The following GAS2 variants were observed in gnomAD, a reference collection of about 807,000 sequenced individuals.
GAS2 encodes the protein growth arrest specific 2, also known as growth arrest-specific protein 2.
A neutral mutation model predicts 37.5 loss-of-function variants in GAS2; 20 were observed. That is an observed-to-expected ratio of 0.53 (90% CI 0.37 to 0.77). The LOEUF (loss-of-function observed/expected upper bound fraction) is 0.77, where lower values mean the gene tolerates loss of function less well. Among genes scored for constraint, GAS2 ranks in the 30% least tolerant of loss-of-function variants. The pLI, the probability that GAS2 is intolerant of heterozygous loss-of-function variation, is 0.00. For synonymous variants in GAS2, 144 were observed against 132.2 expected (o/e 1.09, Z -0.61); for missense variants, 336 against 373.4 (o/e 0.90, Z 0.82).
At chr11:22,762,410 G>T (rs1854440279) in intron 7 of GAS2, among the ~76,000 whole-genome samples, 1 of 152,060 alleles carries the variant, frequency 6.6e-6, no homozygotes, top group Non-Finnish European at 1.5e-5. Flanking sequence ...AAAAAATAAA[G>T]TCTTAGAGAA....
At chr11:22,772,607 G>A (rs1024408390) in intron 7 of GAS2, among the ~76,000 whole-genome samples, 1 of 152,058 alleles carries the variant, frequency 6.6e-6, no homozygotes, top group Non-Finnish European at 1.5e-5. Flanking sequence ...TTATGTTGGA[G>A]GTTTGTAATG....
intron 7 of GAS2, among the ~76,000 whole-genome samples, chr11:22,771,665 A>T (rs1409445183): frequency 6.6e-6 from 1 of 152,214 alleles, no homozygotes; most frequent in Non-Finnish European, 1.5e-5. Flanking sequence ...CTTGTCTGTT[A>T]TACATAAATG....
intron 2 of GAS2, among the ~76,000 whole-genome samples, chr11:22,682,410 T>C (rs985388577): frequency 1.3e-5 from 2 of 152,084 alleles, no homozygotes; most frequent in Non-Finnish European, 2.9e-5. Flanking sequence ...TAAGAATACA[T>C]AAAGATCTAT....
At chr11:22,734,261 C>T (rs1337640505) in intron 4 of GAS2, among the ~76,000 whole-genome samples, 2 of 151,626 alleles carry the variant, frequency 1.3e-5, no homozygotes, top group African/African-American at 4.8e-5. Flanking sequence ...GACATATGTC[C>T]TAATGCAATT....
chr11:22,727,720 C>T (rs1852281840), intron 4 of GAS2, among the ~76,000 whole-genome samples: 1 of 151,920 alleles, frequency 6.6e-6, no homozygotes, highest in Non-Finnish European at 1.5e-5. Flanking sequence ...ATTATTATTA[C>T]CATTTCCTCA....
intron 7 of GAS2, among the ~76,000 whole-genome samples, 177 bp from the exon 8 acceptor site, chr11:22,811,621 A>G (rs1016494821): frequency 1.1e-5 from 1 of 94,916 alleles, no homozygotes; most frequent in Non-Finnish European, 2.0e-5. Flanking sequence ...ACTTCCACAG[A>G]AAAAAAACAG....
intron 2 of GAS2, among the ~76,000 whole-genome samples, chr11:22,684,075 G>A (rs1316479139): frequency 1.3e-5 from 2 of 152,126 alleles, no homozygotes; most frequent in African/African-American, 4.8e-5. Flanking sequence ...GAAGTTGGGG[G>A]CCATACCAGG....
intron 5 of GAS2, among the ~76,000 whole-genome samples, chr11:22,743,756 C>G (rs1853224800): frequency 6.6e-6 from 1 of 151,900 alleles, no homozygotes; most frequent in Non-Finnish European, 1.5e-5. Context: ...TAAGAACAAA[C>G]TAACCCAAAG....
At chr11:22,667,987 A>C (rs531180250) in intron 1 of GAS2, 1 of 152,356 alleles carries the variant, frequency 6.6e-6, no homozygotes, top group Admixed American at 6.5e-5. Flanking sequence ...TGCCAAGGAA[A>C]TAAGATCTGC....
At chr11:22,690,514 G>A (rs1041278334) in intron 3 of GAS2, among the ~76,000 whole-genome samples, 3 of 152,092 alleles carry the variant, frequency 2.0e-5, no homozygotes, top group Admixed American at 6.6e-5. Context: ...GTAGATGGGT[G>A]GAAGCATTTG....
chr11:22,709,398 GA>G lies in GAS2; in HGVS notation c.268-16886del, dbSNP rs565782346. 6.1e-3 allele frequency among the ~76,000 whole-genome samples: 920 copies of G among 151,908 alleles called. 5 individuals are homozygous for G. The highest frequency in any genetic ancestry group is 7.9e-3 in the Non-Finnish European group (536 of 67,938). ...TGTAATTGAAAGTAGACATGTATTT[GA>G]AAAAAAATTAAATTAATTGAAGATA... On this transcript the variant is annotated intron_variant, in intron 3 of 7. Transcript: ENST00000454584.
At chr11:22,665,724 G>A (rs918810629), upstream of GAS2, among the ~76,000 whole-genome samples, 3 of 152,152 alleles carry the variant, frequency 2.0e-5, no homozygotes, top group African/African-American at 7.2e-5. Flanking sequence ...AACTGATGCA[G>A]TTTCTGCCAG....
At chr11:22,665,814 G>T (rs1485901358), upstream of GAS2, among the ~76,000 whole-genome samples, 1 of 152,154 alleles carries the variant, frequency 6.6e-6, no homozygotes, top group Non-Finnish European at 1.5e-5. Flanking sequence ...GCTTGTGGAT[G>T]TACAGGTAGT....
chr11:22,775,127 A>G (rs959960947), intron 7 of GAS2, among the ~76,000 whole-genome samples: 3 of 152,346 alleles, frequency 2.0e-5, no homozygotes, highest in Middle Eastern at 3.4e-3. Context: ...CTGTATGATG[A>G]GAGCTTTGGC....
chr11:22,698,875 T>C (rs1850680934), intron 3 of GAS2, among the ~76,000 whole-genome samples: 1 of 152,222 alleles, frequency 6.6e-6, no homozygotes, highest in South Asian at 2.1e-4. Flanking sequence ...ATGTTGTTTT[T>C]CTGTGCTTTG....
chr11:22,677,234 G>A (rs16909908), intron 2 of GAS2, among the ~76,000 whole-genome samples: 47,583 of 151,926 alleles, frequency 0.31, 7,923 homozygotes, highest in African/African-American at 0.44. Context: ...TTATGGGAAC[G>A]TATATTTAAA....
At chr11:22,643,938 T>G (rs960861142) in intron 1 of GAS2, among the ~76,000 whole-genome samples, 1 of 152,120 alleles carries the variant, frequency 6.6e-6, no homozygotes. Context: ...TTTTAGCATA[T>G]TTTTTTCATT....
intron 7 of GAS2, among the ~76,000 whole-genome samples, chr11:22,763,595 A>G (rs1156618841): frequency 6.8e-6 from 1 of 146,356 alleles, no homozygotes; most frequent in African/African-American, 2.5e-5. Flanking sequence ...AAAGTCAACA[A>G]TTCATTTAAA....
intron 1 of GAS2, chr11:22,667,282 C>T (rs1038676658): frequency 1.3e-5 from 2 of 152,126 alleles, no homozygotes; most frequent in Admixed American, 1.3e-4. Flanking sequence ...CATATGCATT[C>T]GTGCACAAGA....
Sources: gnomAD v4.1 joint callset for allele counts (sites outside exome capture counted in the v4.1 genomes callset) on GRCh38, gnomAD v4.1.1 for gene constraint, MANE v1.5 for transcripts, NCBI Gene and HGNC (gene_info 2026-07-23, HGNC 2026-07-21) for gene names.